EPS15L1: variants seen among roughly 807,000 people sequenced by gnomAD.
EPS15L1 encodes epidermal growth factor receptor pathway substrate 15 like 1, also known as epidermal growth factor receptor substrate 15-like 1.
In EPS15L1, 43 loss-of-function variants were observed where a neutral mutation model predicts 117.1. The observed-to-expected ratio is 0.37, with a 90% CI of 0.29 to 0.47. The LOEUF (loss-of-function observed/expected upper bound fraction) is 0.47. EPS15L1 is among the 20% of genes least tolerant of loss of function. EPS15L1 has a pLI of 0.99. For synonymous variants in EPS15L1, 459 were observed against 470.5 expected, an observed-to-expected ratio of 0.98 and a Z score of 0.32; for missense variants, 981 against 1,164.0, an observed-to-expected ratio of 0.84 and a Z score of 2.29.
In EPS15L1 at chr19:16,383,288, C is replaced by G. The variant is rs2092382688; in HGVS notation, c.2247+1841G>C. On this transcript the variant is annotated intron_variant, in intron 21 of 23. Transcript: ENST00000455140. The surrounding 1 kb of genome is among the most constrained non-coding windows in gnomAD (Gnocchi z 5.2). ...CCTGGTTTCAGGGCCCAAGGACAGG[C>G]AGAGGGCGGTCATTAGATCCCGGCC... 1 of 152,228 alleles carries G rather than the reference C, an allele frequency of 6.6e-6. No individual in the cohort carries two copies. The highest frequency in any genetic ancestry group is 2.4e-5 in the African/African-American group (1 of 41,444). 9.4% of individuals were successfully genotyped at this position (152,228 alleles called of 1,614,324 possible).
At chr19:16,426,621 AGAGT>A (rs2092875803) in intron 8 of EPS15L1, among the ~76,000 whole-genome samples, 1 of 152,210 alleles carries the variant, frequency 6.6e-6, no homozygotes. Context: ...CCTAGATGAC[AGAGT>A]GAGACTCCCT....
At chr19:16,407,828 A>G (rs2092670792) in intron 13 of EPS15L1, among the ~76,000 whole-genome samples, 1 of 152,174 alleles carries the variant, frequency 6.6e-6, no homozygotes, top group Non-Finnish European at 1.5e-5. Context: ...GTCAGGCCAC[A>G]GCGCAGCCAA....
At chr19:16,464,635 G>A (rs766578229) in intron 1 of EPS15L1, among the ~76,000 whole-genome samples, 15 of 152,162 alleles carry the variant, frequency 9.9e-5, no homozygotes, top group South Asian at 2.1e-4. Flanking sequence ...CTTTGCCTCC[G>A]TGTGAAAGGC....
In EPS15L1 at chr19:16,404,893, C is replaced by T. The variant is rs2092640836; in HGVS notation, c.1267-144G>A. On this transcript the variant is annotated intron_variant, in intron 13 of 23. Coordinates refer to ENST00000455140, the MANE Select transcript of EPS15L1 (RefSeq NM_001258374.3). The surrounding 1 kb of genome is among the most constrained non-coding windows in gnomAD (Gnocchi z 4.2). ...GTGCTCAGGGCCAGCATTCCGTGCACACCCACGGCCAATGTGTGCCTCTTG... is the reference window on the plus strand; with the variant it reads ...GTGCTCAGGGCCAGCATTCCGTGCATACCCACGGCCAATGTGTGCCTCTTG... 1 of 840,120 alleles carries T rather than the reference C, an allele frequency of 1.2e-6. No homozygotes were observed. The highest frequency in any genetic ancestry group is 1.7e-5 in the South Asian group (1 of 59,960). The allele number at this position is 840,120 out of a possible 1,614,324, so 52.0% of individuals were successfully genotyped here.
intron 1 of EPS15L1, among the ~76,000 whole-genome samples, chr19:16,463,755 G>T (rs1326095722): frequency 6.6e-6 from 1 of 152,180 alleles, no homozygotes; most frequent in Non-Finnish European, 1.5e-5. Flanking sequence ...CGGCTAAATG[G>T]AAAAGGTGTC....
intron 16 of EPS15L1, among the ~76,000 whole-genome samples, chr19:16,395,917 C>G (rs1452032013): frequency 7.4e-6 from 1 of 135,940 alleles, no homozygotes; most frequent in African/African-American, 3.3e-5. Context: ...TGCGCTCCAG[C>G]CTGGGCGATA....
chr19:16,453,631 T>G (rs1043541492), intron 1 of EPS15L1, among the ~76,000 whole-genome samples: 8 of 151,822 alleles, frequency 5.3e-5, no homozygotes, highest in African/African-American at 1.9e-4. Flanking sequence ...GAGAATGGCG[T>G]GAACCCGGGA....
chr19:16,463,726 G>A (rs1050518172), intron 1 of EPS15L1, among the ~76,000 whole-genome samples: 70 of 152,218 alleles, frequency 4.6e-4, no homozygotes, highest in African/African-American at 1.6e-3. Context: ...AATCAACCCC[G>A]CAAAGAGAAA....
At chr19:16,470,497 C>G (rs1381198574) in intron 1 of EPS15L1, among the ~76,000 whole-genome samples, 1 of 147,174 alleles carries the variant, frequency 6.8e-6, no homozygotes, top group Non-Finnish European at 1.5e-5. Context: ...CCGACTCCCG[C>G]CTTCCCCGCC....
intron 17 of EPS15L1, 124 bp downstream of exon 17, chr19:16,395,217 AAAG>A: frequency 2.1e-6 from 2 of 963,918 alleles, no homozygotes; most frequent in South Asian, 2.0e-5. Context: ...AAAAAAAAAA[AAAG>A]GCATTCCTTT....
intron 16 of EPS15L1, chr19:16,401,722 C>A (rs890778536): frequency 5.1e-6 from 5 of 985,388 alleles, no homozygotes; most frequent in Non-Finnish European, 6.0e-6. Flanking sequence ...GTCCCCTGCC[C>A]CAGGCCTGAT....
intron 16 of EPS15L1, among the ~76,000 whole-genome samples, chr19:16,398,393 G>A (rs1011252436): frequency 2.0e-5 from 3 of 152,224 alleles, no homozygotes; most frequent in African/African-American, 7.2e-5. Flanking sequence ...TGCAGCTGGA[G>A]ACAGTGCTGA....
chr19:16,360,979 T>G (rs1568385488), intron 23 of EPS15L1, among the ~76,000 whole-genome samples: 1 of 152,068 alleles, frequency 6.6e-6, no homozygotes, highest in African/African-American at 2.4e-5. Context: ...TGAAACCAAT[T>G]CTGGGAAGAC....
In EPS15L1 at chr19:16,434,512, G is replaced by C. The variant is rs75992807; in HGVS notation, c.373-22C>G. The stretch of plus-strand genomic sequence containing the variant: ...CCACCTAGTTGGAAAGAAATAGCCC[G>C]AGTAAGTAGGAGAGCACACCTGTGT... On this transcript the variant is annotated intron_variant, in intron 6 of 23. Coordinates refer to ENST00000455140, the MANE Select transcript of EPS15L1 (RefSeq NM_001258374.3). 2.3e-4 allele frequency: 364 copies of C among 1,607,634 alleles called. No individual in the cohort carries two copies. In the African/African-American group the frequency reaches 4.4e-3, roughly 19 times the overall value.
At chr19:16,455,723 T>C (rs2093188686) in intron 1 of EPS15L1, among the ~76,000 whole-genome samples, 1 of 152,202 alleles carries the variant, frequency 6.6e-6, no homozygotes, top group South Asian at 2.1e-4. Flanking sequence ...AGCTTCTGCA[T>C]CTGGAGATGA....
chr19:16,364,501 T>C (rs1293682644), intron 22 of EPS15L1, among the ~76,000 whole-genome samples: 1 of 152,136 alleles, frequency 6.6e-6, no homozygotes, highest in Non-Finnish European at 1.5e-5. Flanking sequence ...GAGAGCAGGG[T>C]GATCTGGCCC....
In EPS15L1 at chr19:16,405,094, T is replaced by A. The variant is rs1352078337; in HGVS notation, c.1267-345A>T. Reference sequence around the variant, plus strand: ...AACATCACCCAAACGCAAATAAACGTGGACAAGTGGCACCAAGGGGGTCAC... The same window carrying A: ...AACATCACCCAAACGCAAATAAACGAGGACAAGTGGCACCAAGGGGGTCAC... On this transcript the variant is annotated intron_variant, in intron 13 of 23. Coordinates refer to ENST00000455140, the MANE Select transcript of EPS15L1 (RefSeq NM_001258374.3). The surrounding 1 kb of genome is among the most constrained non-coding windows in gnomAD (Gnocchi z 4.0). Among the ~76,000 whole-genome samples, 3 of 152,078 alleles carry A rather than the reference T, an allele frequency of 2.0e-5. No homozygotes were observed. The highest frequency in any genetic ancestry group is 7.2e-5 in the African/African-American group (3 of 41,410).
chr19:16,412,839 C>T (rs982369417), intron 13 of EPS15L1: 7 of 525,948 alleles, frequency 1.3e-5, no homozygotes, highest in African/African-American at 5.8e-5. Context: ...ACCAAGGCCA[C>T]GGAGCTTGCA....
intron 13 of EPS15L1, among the ~76,000 whole-genome samples, chr19:16,411,442 G>T (rs1027166967): frequency 6.6e-6 from 1 of 152,190 alleles, no homozygotes; most frequent in African/African-American, 2.4e-5. Context: ...ACTGTTCAGG[G>T]CTAGATGTTT....
Sources: gnomAD v4.1 joint callset for allele counts (sites outside exome capture counted in the v4.1 genomes callset) on GRCh38, gnomAD v4.1.1 for gene constraint, Gnocchi (gnomAD v3.1) non-coding constraint, MANE v1.5 for transcripts, NCBI Gene and HGNC (gene_info 2026-07-23, HGNC 2026-07-21) for gene names.